The following LUZP1 variants were observed in gnomAD, a reference collection of about 807,000 sequenced individuals.
LUZP1 encodes leucine zipper protein 1.
A neutral mutation model predicts 71.3 loss-of-function variants in LUZP1; 25 were observed. That is an observed-to-expected ratio of 0.35 (90% confidence interval 0.26 to 0.49). LUZP1 has a LOEUF of 0.49. LUZP1 is among the 20% of genes least tolerant of loss of function. The probability of loss-of-function intolerance (pLI) is 0.99; values close to 1 mark genes in which losing one functional copy is unlikely to be tolerated. For missense variants in LUZP1, 1,142 were observed against 1,300.8 expected (o/e 0.88, Z 1.88); for synonymous variants, 481 against 506.4 (o/e 0.95, Z 0.67).
chr1:23,083,856 A>AGAT (rs1643701562), downstream of LUZP1, among the ~76,000 whole-genome samples: 1 of 152,118 alleles, frequency 6.6e-6, no homozygotes. Flanking sequence ...TCAGGTCAGA[A>AGAT]GATAAGGTAG....
intron 2 of LUZP1, chr1:23,140,363 C>T (rs1306990768): frequency 6.6e-6 from 1 of 152,190 alleles, no homozygotes. Flanking sequence ...TCTCTTGTGG[C>T]TTCAAGCAGA....
intron 1 of LUZP1, among the ~76,000 whole-genome samples, chr1:23,170,113 C>T (rs1476330132): frequency 6.6e-6 from 1 of 152,196 alleles, no homozygotes; most frequent in Non-Finnish European, 1.5e-5. Flanking sequence ...GAAAGCAATC[C>T]TCCCTGTTCT....
chr1:23,099,432 T>G (rs906256201), intron 3 of LUZP1, among the ~76,000 whole-genome samples: 2 of 151,802 alleles, frequency 1.3e-5, no homozygotes, highest in Admixed American at 1.3e-4. Flanking sequence ...TTTAAAGAGA[T>G]AAACTTCATG....
chr1:23,164,360 T>C (rs189069280), intron 2 of LUZP1, among the ~76,000 whole-genome samples: 204 of 152,076 alleles, frequency 1.3e-3, no homozygotes, highest in Middle Eastern at 6.8e-3. Context: ...CCGGGCATGG[T>C]GGCGGGTGCC....
At chr1:23,176,253 G>T (rs920814139) in intron 1 of LUZP1, among the ~76,000 whole-genome samples, 1 of 151,832 alleles carries the variant, frequency 6.6e-6, no homozygotes, top group African/African-American at 2.4e-5. Context: ...GTAGAGACGG[G>T]GTTTCACCAT....
At chr1:23,117,193 G>A (rs1644086246) in intron 2 of LUZP1, among the ~76,000 whole-genome samples, 1 of 151,990 alleles carries the variant, frequency 6.6e-6, no homozygotes, top group Non-Finnish European at 1.5e-5. Context: ...ATGCTATAAG[G>A]GAAAACCACA....
rs1272059669 is a variant in LUZP1 at position 23,094,249 on chromosome 1, T to G, written c.13A>C (p.Thr5Pro). 6.2e-7 allele frequency: 1 copy of G among 1,604,210 alleles called. No individual in the cohort carries two copies. The highest frequency in any genetic ancestry group is 8.5e-7 in the Non-Finnish European group (1 of 1,175,940). ...CTGGAGGCCGTCTCCTTGTAGCTTG[T>G]AAATTCGGCCATGTCTACTGCCAGC... Residue 5 changes from threonine to proline, a missense_variant, in exon 4 of 5, where the codon ACA becomes CCA. By Grantham distance (38) the Thr-to-Pro change is conservative. Coordinates refer to ENST00000302291, the Ensembl canonical transcript of LUZP1. The surrounding 1 kb of genome is among the most constrained non-coding windows in gnomAD (Gnocchi z 4.7).
chr1:23,121,837 C>T (rs1644131892), intron 2 of LUZP1, among the ~76,000 whole-genome samples: 1 of 151,800 alleles, frequency 6.6e-6, no homozygotes, highest in South Asian at 2.1e-4. Flanking sequence ...CATGGTGAAA[C>T]CCCCCCTCTA....
At chr1:23,084,493 G>A (rs927452872) in exon 5 of LUZP1, 8 of 151,990 alleles carry the variant, frequency 5.3e-5, no homozygotes, top group Non-Finnish European at 1.0e-4. Flanking sequence ...AGGATGTTCT[G>A]CCTCATCCCA....
chr1:23,115,942 C>A (rs999939202), intron 2 of LUZP1, among the ~76,000 whole-genome samples: 9 of 152,232 alleles, frequency 5.9e-5, no homozygotes, highest in Admixed American at 2.6e-4. Flanking sequence ...AATTGTTATT[C>A]ACCTACGGAG....
At chr1:23,148,969 T>A (rs908801924) in intron 2 of LUZP1, among the ~76,000 whole-genome samples, 3 of 148,562 alleles carry the variant, frequency 2.0e-5, no homozygotes, top group Admixed American at 6.9e-5. Context: ...TGGTCCTAGC[T>A]ACTCAAGAGG....
chr1:23,129,516 G>A (rs1644197711), intron 2 of LUZP1, among the ~76,000 whole-genome samples: 1 of 152,156 alleles, frequency 6.6e-6, no homozygotes, highest in Admixed American at 6.5e-5. Context: ...GGGAGGCGGA[G>A]GTTGCGGTGA....
At chr1:23,105,292 T>A (rs922704704) in intron 3 of LUZP1, among the ~76,000 whole-genome samples, 1 of 152,056 alleles carries the variant, frequency 6.6e-6, no homozygotes, top group African/African-American at 2.4e-5. Flanking sequence ...ACGAATCTGA[T>A]AGCCACAGTA....
chr1:23,171,474 T>C (rs1644552580), intron 1 of LUZP1, among the ~76,000 whole-genome samples: 1 of 152,214 alleles, frequency 6.6e-6, no homozygotes, highest in Non-Finnish European at 1.5e-5. Context: ...GCCTTTCTCC[T>C]CTCACCTTCT....
chr1:23,153,164 T>G (rs1212848035), intron 2 of LUZP1, among the ~76,000 whole-genome samples: 1 of 152,160 alleles, frequency 6.6e-6, no homozygotes, highest in African/African-American at 2.4e-5. Flanking sequence ...AGACTGTTCA[T>G]AATCTCAATG....
At chr1:23,173,165 G>A (rs1340326661) in intron 1 of LUZP1, among the ~76,000 whole-genome samples, 1 of 151,650 alleles carries the variant, frequency 6.6e-6, no homozygotes, top group African/African-American at 2.4e-5. Context: ...GCTGAGGAGG[G>A]AGGATTGCTT....
chr1:23,128,930 G>A (rs1312388861), intron 2 of LUZP1, among the ~76,000 whole-genome samples: 1 of 152,178 alleles, frequency 6.6e-6, no homozygotes, highest in African/African-American at 2.4e-5. Context: ...CTTAGGCGGA[G>A]CCAATAAACA....
chr1:23,176,739 T>C (rs920603020), intron 1 of LUZP1, among the ~76,000 whole-genome samples: 1 of 152,114 alleles, frequency 6.6e-6, no homozygotes, highest in Admixed American at 6.6e-5. Context: ...TGGGATCCTG[T>C]AGAGGCCCCC....
chr1:23,163,764 C>G (rs1016773653), intron 2 of LUZP1, among the ~76,000 whole-genome samples: 1 of 152,130 alleles, frequency 6.6e-6, no homozygotes, highest in Non-Finnish European at 1.5e-5. Flanking sequence ...CCTTGACCCT[C>G]CACTCCCATA....
Sources: gnomAD v4.1 joint callset for allele counts (sites outside exome capture counted in the v4.1 genomes callset) on GRCh38, gnomAD v4.1.1 for gene constraint, Gnocchi (gnomAD v3.1) non-coding constraint, MANE v1.5 for transcripts, NCBI Gene and HGNC (gene_info 2026-07-23, HGNC 2026-07-21) for gene names.